Variants in HDGFL2 observed in about 807,000 individuals in gnomAD.
The protein encoded by HDGFL2 is hepatoma-derived growth factor-related protein 2.
Under a neutral mutation model 77.1 loss-of-function variants are expected in HDGFL2, and 36 were observed. The observed-to-expected ratio is 0.47, with a 90% CI of 0.36 to 0.62. The LOEUF (loss-of-function observed/expected upper bound fraction) is 0.62. Among genes scored for constraint, HDGFL2 ranks in the 20% least tolerant of loss-of-function variants. The probability of loss-of-function intolerance (pLI) is 0.00; values close to 1 mark genes in which losing one functional copy is unlikely to be tolerated. For synonymous variants in HDGFL2, 463 were observed against 413.1 expected (o/e 1.12, Z -1.46); for missense variants, 976 against 973.4 (o/e 1.00, Z -0.04).
chr19:4,480,714 G>A (rs574787610), intron 3 of HDGFL2, among the ~76,000 whole-genome samples: 6 of 151,840 alleles, frequency 4.0e-5, no homozygotes, highest in East Asian at 3.9e-4. Flanking sequence ...GTGAGACTCC[G>A]TCTCAAAAAA....
intron 10 of HDGFL2, chr19:4,497,261 C>T: frequency 5.1e-6 from 2 of 395,784 alleles, no homozygotes; most frequent in African/African-American, 2.2e-5. Flanking sequence ...GCAGTGGCGC[C>T]ATCTCAGCTC....
intron 13 of HDGFL2, 87 bp downstream of exon 13, chr19:4,499,002 C>G: frequency 1.1e-6 from 1 of 897,798 alleles, no homozygotes. Flanking sequence ...CCAGCAGGTT[C>G]CTGTCGGGAC....
At chr19:4,493,500 C>A (rs1975603413) in intron 6 of HDGFL2, among the ~76,000 whole-genome samples, 1 of 152,044 alleles carries the variant, frequency 6.6e-6, no homozygotes, top group African/African-American at 2.4e-5. Context: ...AGCTGCCCGG[C>A]GTGCCCAGGG....
chr19:4,495,934 A>G (rs536344524), intron 9 of HDGFL2, among the ~76,000 whole-genome samples: 2 of 152,248 alleles, frequency 1.3e-5, no homozygotes, highest in South Asian at 4.1e-4. Context: ...GGTGCCCCTC[A>G]GCCAGGCCTG....
chr19:4,492,385 G>C (rs1193224139), intron 6 of HDGFL2, among the ~76,000 whole-genome samples: 1 of 151,600 alleles, frequency 6.6e-6, no homozygotes, highest in African/African-American at 2.4e-5. Context: ...CTGTATGCCT[G>C]TGTGTGTGTG....
intron 15 of HDGFL2, 123 bp from the exon 16 acceptor site, chr19:4,501,788 C>A: frequency 1.5e-6 from 1 of 650,542 alleles, no homozygotes; most frequent in Non-Finnish European, 2.4e-6. Flanking sequence ...GATAGGAGGG[C>A]GGCACTCGAG....
intron 9 of HDGFL2, among the ~76,000 whole-genome samples, chr19:4,494,729 C>G (rs1035695155): frequency 9.2e-5 from 14 of 152,022 alleles, no homozygotes; most frequent in African/African-American, 2.9e-4. Context: ...CCAGCCTGGG[C>G]AAGATAGAGA....
At chr19:4,489,867 C>A (rs1226455559) in intron 4 of HDGFL2, among the ~76,000 whole-genome samples, 1 of 152,146 alleles carries the variant, frequency 6.6e-6, no homozygotes, top group Non-Finnish European at 1.5e-5. Context: ...ATTTCCGTCA[C>A]CCCAAAAAGA....
chr19:4,499,396 G>A (rs1231130831), intron 13 of HDGFL2, 95 bp from the exon 14 acceptor site: 4 of 1,079,140 alleles, frequency 3.7e-6, no homozygotes, highest in Non-Finnish European at 5.4e-6. Context: ...CCCGGGAGGG[G>A]CTGCGGGAGG....
chr19:4,501,857 A>C (rs964023625), intron 15 of HDGFL2, 54 bp from the exon 16 acceptor site: 36 of 1,312,354 alleles, frequency 2.7e-5, no homozygotes, highest in Non-Finnish European at 1.2e-5. Context: ...ACCGCCCTAC[A>C]GGCAGGGCAG....
In HDGFL2 at chr19:4,494,313, C is replaced by A; in HGVS notation, c.1062C>A (p.Arg354=). The A allele has an allele frequency of 7.0e-7, 1 of 1,426,742 alleles. No individual in the cohort carries two copies. The allele number at this position is 1,426,742 out of a possible 1,614,324, so 88.4% of individuals were successfully genotyped here. The change falls in exon 9 of 16, where the codon CGC becomes CGA. Residue 354 remains arginine, a synonymous_variant. Coordinates refer to ENST00000616600, the MANE Select transcript of HDGFL2 (RefSeq NM_001001520.3). ...AGAAGGAGGAGAAGGAGCGGAGGCG[C>A]GAGCGGGCCGACCGCGGGGAGGCTG... ...EQEKEEKERR[R]ERADRGEAER...
intron 10 of HDGFL2, chr19:4,497,660 G>A (rs892050625): frequency 4.6e-5 from 21 of 453,156 alleles, no homozygotes; most frequent in Middle Eastern, 6.2e-4. Context: ...TTCCTAGCTC[G>A]CTGACTCTGG....
Position 4,472,310 on chromosome 19 carries a change from G to GCCGCAGCCGCTACCGCCA in HDGFL2, c.-40_-39insCGCAGCCGCTACCGCCAC. The GCCGCAGCCGCTACCGCCA allele has an allele frequency of 7.0e-7, 1 of 1,431,800 alleles. No individual in the cohort carries two copies. The highest frequency in any genetic ancestry group is 1.5e-5 in the South Asian group (1 of 66,734). 88.7% of individuals were successfully genotyped at this position (1,431,800 alleles called of 1,614,324 possible). A position where few individuals can be genotyped will look rare whatever the true frequency, so the allele number is the denominator to read the frequency against. On this transcript the variant is annotated 5_prime_UTR_variant, in exon 1 of 16. Coordinates refer to ENST00000616600, the MANE Select transcript of HDGFL2 (RefSeq NM_001001520.3). ...CGCCGCCGCCGCAGCCGCTACCGCC[G>GCCGCAGCCGCTACCGCCA]CTGCAGCCGCTTTCCGCGGCCTGGG...
chr19:4,498,253 T>A, intron 11 of HDGFL2, 53 bp from the exon 12 acceptor site: 1 of 1,495,746 alleles, frequency 6.7e-7, no homozygotes, highest in Non-Finnish European at 9.3e-7. Flanking sequence ...CTTGAACAGC[T>A]GGCCCCCTGT....
At chr19:4,487,755 C>T (rs1351108078) in intron 3 of HDGFL2, among the ~76,000 whole-genome samples, 4 of 152,270 alleles carry the variant, frequency 2.6e-5, no homozygotes, top group South Asian at 4.1e-4. Flanking sequence ...GCTCAGCAAA[C>T]GTTGGCTCAG....
At chr19:4,472,447 C>CGGGG in intron 1 of HDGFL2, 25 bp downstream of exon 1, 1 of 117,364 alleles carries the variant, frequency 8.5e-6, no homozygotes, top group Non-Finnish European at 1.4e-5. Context: ...GAGATGGGGC[C>CGGGG]GGTGGGGGGG....
At chr19:4,478,080 A>G (rs1473743217) in intron 3 of HDGFL2, among the ~76,000 whole-genome samples, 1 of 105,054 alleles carries the variant, frequency 9.5e-6, no homozygotes, top group Non-Finnish European at 2.3e-5. Context: ...ACTCTGTCTC[A>G]AAAAAAAAAA....
rs753857401 is a variant in HDGFL2 at position 4,491,809 on chromosome 19, G to T, written c.652G>T (p.Gly218Cys). 5 of 1,613,982 alleles carry T rather than the reference G, an allele frequency of 3.1e-6. No homozygotes were observed. Among genetic ancestry groups the T allele is most frequent in the Admixed American group, 3.3e-5 (2 of 60,028 alleles). ...AGCAGCGGTCCGGGCGCCACGGAGG[G>T]GCCCTCTGGGGGGACGGAAAAAAAA... ...KKAAVRAPRRGPLGGRKKKKA... is the reference protein window; with the variant it reads ...KKAAVRAPRRCPLGGRKKKKA... The change falls in exon 6 of 16, where the codon GGC becomes TGC. Residue 218 changes from glycine to cysteine, a missense_variant. Gly to Cys is a radical substitution (Grantham distance 159). This residue lies in a region of HDGFL2 where 567 missense variants were observed against 534.7 expected (regional missense o/e 1.06). Transcript: ENST00000616600.
intron 3 of HDGFL2, among the ~76,000 whole-genome samples, chr19:4,478,919 A>G (rs953575404): frequency 1.3e-5 from 2 of 150,940 alleles, no homozygotes; most frequent in Non-Finnish European, 3.0e-5. Context: ...TCCTGACCTC[A>G]TGATCTGCCC....
Sources: gnomAD v4.1 joint callset for allele counts (sites outside exome capture counted in the v4.1 genomes callset) on GRCh38, gnomAD v4.1.1 for gene constraint, gnomAD v4.1.1 regional missense constraint, MANE v1.5 for transcripts, NCBI Gene and HGNC (gene_info 2026-07-23, HGNC 2026-07-21) for gene names.